KMT5B: variants seen among roughly 807,000 people sequenced by gnomAD.
KMT5B encodes lysine methyltransferase 5B.
KMT5B carries 10 observed loss-of-function variants against 83.2 expected under a neutral mutation model. The ratio of observed to expected loss-of-function variants is 0.12; its 90% CI spans 0.07 to 0.20. KMT5B has a LOEUF of 0.20. Ranked by LOEUF, KMT5B falls within the 10% of genes least tolerant of loss-of-function variation. The probability of loss-of-function intolerance (pLI) is 1.00; values close to 1 mark genes in which losing one functional copy is unlikely to be tolerated. For missense variants in KMT5B, 753 were observed against 1,067.2 expected (o/e 0.71, Z 4.10); for synonymous variants, 349 against 388.8 (o/e 0.90, Z 1.20).
At chr11:68,191,208 T>TGTGTGTGTGTGTGC (rs766456170) in intron 1 of KMT5B, among the ~76,000 whole-genome samples, 1 of 150,054 alleles carries the variant, frequency 6.7e-6, no homozygotes, top group African/African-American at 2.5e-5. Context: ...TGTGTGTGTG[T>TGTGTGTGTGTGTGC]AGAGACGAGG....
intron 1 of KMT5B, among the ~76,000 whole-genome samples, chr11:68,202,265 T>C (rs967354140): frequency 6.6e-6 from 1 of 152,214 alleles, no homozygotes; most frequent in African/African-American, 2.4e-5. Context: ...CATGTTCAAC[T>C]TTTCAAAATA....
At chr11:68,186,596 T>C (rs2153068706) in intron 2 of KMT5B, among the ~76,000 whole-genome samples, 1 of 152,276 alleles carries the variant, frequency 6.6e-6, no homozygotes, top group East Asian at 1.9e-4. Context: ...GACTGAAATA[T>C]ATAACTGAAA....
chr11:68,172,969 A>G (rs1855993744), intron 6 of KMT5B, among the ~76,000 whole-genome samples: 1 of 152,132 alleles, frequency 6.6e-6, no homozygotes, highest in African/African-American at 2.4e-5. Context: ...CATAGGGAAC[A>G]GGCATGATAG....
chr11:68,190,654 AT>A (rs1436880180), intron 1 of KMT5B, among the ~76,000 whole-genome samples: 1 of 152,256 alleles, frequency 6.6e-6, no homozygotes, highest in African/African-American at 2.4e-5. Flanking sequence ...AGTTAAAAAA[AT>A]AAAAGTAGGA....
Position 68,167,561 on chromosome 11 carries a change from C to T in KMT5B, c.978-383G>A, listed in dbSNP as rs570482097. Among the ~76,000 whole-genome samples the T allele has an allele frequency of 4.6e-5, 7 of 151,112 alleles. No homozygotes were observed. The East Asian group carries it at 5.8e-4, about 13-fold the overall frequency. On this transcript the variant is annotated intron_variant, in intron 9 of 10. Transcript: ENST00000304363. ...CCTCAACCTCTTAGGCTCAAGAAGT[C>T]GTCCCACCTCAGCATCCTGAGTATC...
intron 1 of KMT5B, among the ~76,000 whole-genome samples, chr11:68,212,389 C>T (rs1861023018): frequency 6.6e-6 from 1 of 152,236 alleles, no homozygotes; most frequent in Non-Finnish European, 1.5e-5. Context: ...TTCACCTCCC[C>T]AGTATTCCGA....
Position 68,158,601 on chromosome 11 carries a change from G to C in KMT5B, c.1745C>G (p.Ala582Gly), listed in dbSNP as rs1276648464. ...CAGTTCTTCCTCCTGCAGCACAGGA[G>C]CTGGCTGCAGCTGTTCACCACTGTC... ...CPDSGEQLQP[A>G]PVLQEEELAH... Residue 582 changes from alanine to glycine, a missense_variant, in exon 11 of 11, where the codon GCT becomes GGT. By Grantham distance (60) the Ala-to-Gly change is moderately conservative (BLOSUM62 0). Transcript: ENST00000304363. 4 of 1,614,178 alleles carry C rather than the reference G, an allele frequency of 2.5e-6. No homozygotes were observed. The highest frequency in any genetic ancestry group is 3.4e-6 in the Non-Finnish European group (4 of 1,180,028).
chr11:68,174,902 G>C (rs1856209559), intron 5 of KMT5B, 116 bp downstream of exon 5: 5 of 956,520 alleles, frequency 5.2e-6, no homozygotes, highest in Non-Finnish European at 7.6e-6. Flanking sequence ...TCTTCAGACT[G>C]ATTAGTTTTA....
rs759267894 is a variant in KMT5B, at chr11:68,158,822, G to C, written c.1524C>G (p.Cys508Trp). The C allele has an allele frequency of 9.3e-6, 15 of 1,614,120 alleles. No individual in the cohort carries two copies. Among genetic ancestry groups the C allele is most frequent in the Middle Eastern group, 1.7e-4 (1 of 6,060 alleles). ...GTTCTCTCGCCGCGTGTCTAGTCAA[G>C]CACCCGCTGGCAACTGCGGCTTGGG... ...GPAQAAVASG[C>W]LTRHAAREHR... The change falls in exon 11 of 11, where the codon TGC (cysteine) becomes TGG (tryptophan). Residue 508 changes from cysteine to tryptophan, a missense_variant. By Grantham distance (215) the Cys-to-Trp change is radical. Around this residue, in one of 9 missense-constraint regions of KMT5B, gnomAD observed 397 missense variants for 395.9 expected, o/e 1.00. Transcript: ENST00000304363.
intron 10 of KMT5B, 100 bp downstream of exon 10, chr11:68,166,882 C>G: frequency 6.6e-7 from 1 of 1,515,490 alleles, no homozygotes; most frequent in Non-Finnish European, 8.8e-7. Flanking sequence ...CCCAGTCTCT[C>G]TGAGTATTTA....
chr11:68,176,575 G>C (rs1856404581), intron 4 of KMT5B: 1 of 152,198 alleles, frequency 6.6e-6, no homozygotes, highest in African/African-American at 2.4e-5. Context: ...CACGAGGTCA[G>C]GAGATCGAGA....
chr11:68,168,749 A>G (rs1419544320), intron 9 of KMT5B, among the ~76,000 whole-genome samples: 1 of 152,216 alleles, frequency 6.6e-6, no homozygotes, highest in African/African-American at 2.4e-5. Flanking sequence ...TGGAGTGTCT[A>G]GCGCGACTCA....
Position 68,171,735 on chromosome 11 carries a change from A to AAATTACTATATTT in KMT5B, c.654-27_654-26insAAATATAGTAATT. On this transcript the variant is annotated intron_variant, in intron 6 of 10. Transcript: ENST00000304363. The surrounding 1 kb of genome is among the most constrained non-coding windows in gnomAD (Gnocchi z 5.1). Reference sequence around the variant, plus strand: ...CTATTTAAAATATGTGATGTGTTAAAAATTACTAGTAATTAAATATAGTAA... The same window carrying AAATTACTATATTT: ...CTATTTAAAATATGTGATGTGTTAAAAATTACTATATTTAATTACTAGTAATTAAATATAGTAA... 1 of 1,534,420 alleles carries AAATTACTATATTT rather than the reference A, an allele frequency of 6.5e-7. No individual in the cohort carries two copies. Among genetic ancestry groups the AAATTACTATATTT allele is most frequent in the Non-Finnish European group, 9.0e-7 (1 of 1,116,240 alleles).
chr11:68,190,123 T>G lies in KMT5B; in HGVS notation c.-47A>C. 1 of 1,564,588 alleles carries G rather than the reference T, an allele frequency of 6.4e-7. No individual in the cohort carries two copies. The highest frequency in any genetic ancestry group is 1.4e-5 in the African/African-American group (1 of 73,952). On this transcript the variant is annotated 5_prime_UTR_variant, in exon 2 of 11. Transcript: ENST00000304363. ...GGTGCATTTAGTCACTCTCTTCAAA[T>G]AGCTTAGAGAATACTTTCAATGTTC...
At chr11:68,167,248 G>A in intron 9 of KMT5B, 70 bp from the exon 10 acceptor site, 1 of 1,519,710 alleles carries the variant, frequency 6.6e-7, no homozygotes, top group Non-Finnish European at 8.8e-7. Flanking sequence ...ACTGCTGAGG[G>A]TACTTGGCTA....
At chr11:68,198,990 T>C (rs1187013364) in intron 1 of KMT5B, among the ~76,000 whole-genome samples, 2 of 152,166 alleles carry the variant, frequency 1.3e-5, no homozygotes, top group Admixed American at 1.3e-4. Context: ...TGGCCTCCCA[T>C]AGTGCTGGGA....
At chr11:68,191,173 T>TTGTGTGTGCGTGTG (rs376451336) in intron 1 of KMT5B, among the ~76,000 whole-genome samples, 10 of 139,172 alleles carry the variant, frequency 7.2e-5, no homozygotes, top group African/African-American at 2.4e-4. Context: ...TTTTAAAACT[T>TTGTGTGTGCGTGTG]TGTGTGTGTG....
At chr11:68,202,533 T>C (rs1489302402) in intron 1 of KMT5B, among the ~76,000 whole-genome samples, 1 of 148,520 alleles carries the variant, frequency 6.7e-6, no homozygotes, top group Non-Finnish European at 1.5e-5. Context: ...CCTTCCCTAC[T>C]AGCTAAGACA....
In KMT5B at chr11:68,175,055, T is replaced by C. The variant is rs1479743038; in HGVS notation, c.506A>G (p.Asn169Ser). The C allele has an allele frequency of 3.7e-6, 6 of 1,614,046 alleles. No individual in the cohort carries two copies. Among genetic ancestry groups the C allele is most frequent in the Non-Finnish European group, 5.1e-6 (6 of 1,179,944 alleles). The change falls in exon 5 of 11, where the codon AAC (asparagine) becomes AGC (serine). Residue 169 changes from asparagine to serine, a missense_variant. Physicochemically the swap from Asn to Ser is conservative, Grantham distance 46. Coordinates refer to ENST00000304363, the MANE Select transcript of KMT5B (RefSeq NM_017635.5). ...SGEWARHYFL[N>S]KNKMQEKLFK... is the part of the protein sequence containing the mutation. ...TAATTTCTCCTGCATTTTATTCTTG[T>C]TGAGAAAATAGTGCCGTGCCCATTC...
Sources: gnomAD v4.1 joint callset for allele counts (sites outside exome capture counted in the v4.1 genomes callset) on GRCh38, gnomAD v4.1.1 for gene constraint, gnomAD v4.1.1 regional missense constraint, Gnocchi (gnomAD v3.1) non-coding constraint, MANE v1.5 for transcripts, NCBI Gene and HGNC (gene_info 2026-07-23, HGNC 2026-07-21) for gene names.